Variants in SPIDR observed in about 807,000 individuals in gnomAD.
SPIDR encodes DNA repair-scaffolding protein.
A neutral mutation model predicts 104.6 loss-of-function variants in SPIDR; 93 were observed. The ratio of observed to expected loss-of-function variants is 0.89; its 90% CI spans 0.75 to 1.06. SPIDR has a LOEUF of 1.06. Among genes scored for constraint, SPIDR ranks in the 50% least tolerant of loss-of-function variants. SPIDR has a pLI of 0.00. For synonymous variants in SPIDR, 431 were observed against 416.9 expected, an observed-to-expected ratio of 1.03 and a Z score of -0.41; for missense variants, 1,154 against 1,111.2, an observed-to-expected ratio of 1.04 and a Z score of -0.55.
rs782142138 is a variant in SPIDR, at chr8:47,396,615, G to A, written c.765G>A (p.Lys255=). Residue 255 remains lysine (K), a synonymous_variant, in exon 6 of 20, where the codon AAG becomes AAA. Transcript: ENST00000297423. ...GGACTCCAGAAAATTCAGCAAAGAA[G>A]AAGCTTTTAAGGTTAAATTATACCC... ...FPRTPENSAK[K]KLLRGGLAER... 9.3e-6 allele frequency: 15 copies of A among 1,612,676 alleles called. No homozygotes were observed. In the South Asian group the frequency reaches 1.7e-4, roughly 18 times the overall value.
intron 10 of SPIDR, among the ~76,000 whole-genome samples, chr8:47,635,377 C>T (rs2067739274): frequency 6.6e-6 from 1 of 151,986 alleles, no homozygotes; most frequent in Non-Finnish European, 1.5e-5. Context: ...ATTAAATTGG[C>T]TTATTTGTAA....
chr8:47,713,012 T>TA lies in SPIDR; in HGVS notation c.2188+141dup, dbSNP rs954885680. The TA allele has an allele frequency of 7.6e-6, 11 of 1,443,712 alleles. No homozygotes were observed. In the African/African-American group the frequency reaches 1.6e-4, roughly 21 times the overall value. The allele number at this position is 1,443,712 out of a possible 1,614,324, so 89.4% of individuals were successfully genotyped here. ...GAGCCCATCACAGACATGGCCCATGTACCAGCCTCCAGCCTTCACTGACCC... is the reference window on the plus strand; with the variant it reads ...GAGCCCATCACAGACATGGCCCATGTAACCAGCCTCCAGCCTTCACTGACCC... On this transcript the variant is annotated intron_variant, in intron 15 of 19. Coordinates refer to ENST00000297423, the MANE Select transcript of SPIDR (RefSeq NM_001080394.4).
intron 8 of SPIDR, among the ~76,000 whole-genome samples, chr8:47,449,868 A>G (rs1325364497): frequency 6.6e-6 from 1 of 152,188 alleles, no homozygotes; most frequent in Non-Finnish European, 1.5e-5. Flanking sequence ...TGCATAATTT[A>G]TAAGCAATAG....
At chr8:47,414,935 G>A (rs1350852809) in intron 7 of SPIDR, among the ~76,000 whole-genome samples, 7 of 151,830 alleles carry the variant, frequency 4.6e-5, no homozygotes, top group African/African-American at 7.3e-5. Flanking sequence ...GCAGAGTCTC[G>A]CTCTGTTGCC....
chr8:47,701,742 C>G lies in SPIDR; in HGVS notation c.1795C>G (p.Pro599Ala). The G allele has an allele frequency of 6.2e-7, 1 of 1,614,126 alleles. No individual in the cohort carries two copies. The highest frequency in any genetic ancestry group is 8.5e-7 in the Non-Finnish European group (1 of 1,180,024). ...ACAGATAAAAACTCATCTGCCTCCTCCAGCCTTGTGTTACATCCTCACAGC... is the reference window on the plus strand; with the variant it reads ...ACAGATAAAAACTCATCTGCCTCCTGCAGCCTTGTGTTACATCCTCACAGC... Reference protein sequence around the residue: ...CEEIKTHLPPPALCYILTAHP... With the variant: ...CEEIKTHLPPAALCYILTAHP... Residue 599 changes from proline to alanine, a missense_variant, in exon 13 of 20, where the codon CCA (proline) becomes GCA (alanine). Pro to Ala is a conservative substitution (Grantham distance 27). Coordinates refer to ENST00000297423, the MANE Select transcript of SPIDR (RefSeq NM_001080394.4).
Position 47,409,763 on chromosome 8 carries a change from T to G in SPIDR, c.877+1802T>G, listed in dbSNP as rs147876566. ...CCTTTCCGAGGCCAGGTGTGGTGGCTCATGCCTGTAATCTCCATCCTTTGG... is the reference window on the plus strand; with the variant it reads ...CCTTTCCGAGGCCAGGTGTGGTGGCGCATGCCTGTAATCTCCATCCTTTGG... On this transcript the variant is annotated intron_variant, in intron 7 of 19. Transcript: ENST00000297423. Among the ~76,000 whole-genome samples the G allele has an allele frequency of 3.5e-4, 54 of 152,380 alleles. No individual in the cohort carries two copies. The East Asian group carries it at 6.4e-3, about 18-fold the overall frequency.
At chr8:47,278,556 C>G (rs1425606600) in intron 1 of SPIDR, among the ~76,000 whole-genome samples, 2 of 151,938 alleles carry the variant, frequency 1.3e-5, no homozygotes, top group African/African-American at 4.8e-5. Context: ...TTTCTAAGGA[C>G]AGTAATCACA....
At chr8:47,288,174 T>C (rs899709955) in intron 3 of SPIDR, among the ~76,000 whole-genome samples, 1 of 152,212 alleles carries the variant, frequency 6.6e-6, no homozygotes, top group African/African-American at 2.4e-5. Context: ...TTCTGTATTG[T>C]AGTTTGTACC....
chr8:47,452,832 A>G (rs1022268376), intron 8 of SPIDR, among the ~76,000 whole-genome samples: 4 of 152,290 alleles, frequency 2.6e-5, no homozygotes, highest in Admixed American at 2.0e-4. Context: ...CACCACTCCT[A>G]TTCAACATAG....
intron 10 of SPIDR, among the ~76,000 whole-genome samples, chr8:47,600,911 C>CT (rs1281231583): frequency 1.3e-5 from 2 of 152,214 alleles, no homozygotes; most frequent in East Asian, 3.8e-4. Flanking sequence ...AACGACAAAA[C>CT]TGACAGTGCG....
intron 6 of SPIDR, among the ~76,000 whole-genome samples, chr8:47,402,291 A>G (rs188238345): frequency 8.7e-4 from 133 of 152,318 alleles, no homozygotes; most frequent in Middle Eastern, 3.4e-3. Context: ...CACAATTAAC[A>G]GAACTAGAGA....
intron 11 of SPIDR, among the ~76,000 whole-genome samples, chr8:47,676,850 A>G (rs1271873693): frequency 6.6e-6 from 1 of 152,232 alleles, no homozygotes; most frequent in Non-Finnish European, 1.5e-5. Context: ...AGGCAGGCAC[A>G]CATGCTGCCA....
intron 8 of SPIDR, among the ~76,000 whole-genome samples, chr8:47,589,475 A>G (rs898404285): frequency 2.0e-5 from 3 of 151,618 alleles, no homozygotes; most frequent in African/African-American, 7.3e-5. Flanking sequence ...CAGTGAACCG[A>G]GATCACACCA....
intron 10 of SPIDR, among the ~76,000 whole-genome samples, chr8:47,652,120 A>T (rs1200787998): frequency 3.9e-5 from 6 of 152,250 alleles, no homozygotes; most frequent in Middle Eastern, 3.2e-3. Context: ...TGAAATTTTT[A>T]AAAAATAAAT....
intron 5 of SPIDR, among the ~76,000 whole-genome samples, chr8:47,382,737 A>G (rs563908905): frequency 6.6e-6 from 1 of 152,326 alleles, no homozygotes; most frequent in Non-Finnish European, 1.5e-5. Flanking sequence ...TTTTTAAAGA[A>G]AAAGTGATAC....
chr8:47,733,683 C>A (rs998231451), intron 19 of SPIDR, among the ~76,000 whole-genome samples: 4 of 152,026 alleles, frequency 2.6e-5, no homozygotes, highest in Non-Finnish European at 5.9e-5. Flanking sequence ...AGCCTGGAGA[C>A]TGTCCTGCTC....
chr8:47,612,346 GA>G (rs1317662996), intron 10 of SPIDR, among the ~76,000 whole-genome samples: 1 of 152,160 alleles, frequency 6.6e-6, no homozygotes, highest in Non-Finnish European at 1.5e-5. Context: ...AAGAGCTATG[GA>G]AAAGTGGGAA....
intron 8 of SPIDR, among the ~76,000 whole-genome samples, chr8:47,514,305 C>A (rs2082793842): frequency 6.6e-6 from 1 of 152,082 alleles, no homozygotes; most frequent in South Asian, 2.1e-4. Context: ...AAACTCATCA[C>A]CTAAACTCAT....
intron 8 of SPIDR, among the ~76,000 whole-genome samples, chr8:47,560,710 G>T (rs965884324): frequency 2.6e-5 from 4 of 152,014 alleles, no homozygotes; most frequent in Non-Finnish European, 5.9e-5. Flanking sequence ...TTCATAATCA[G>T]AAAATACTTC....
Sources: gnomAD v4.1 joint callset for allele counts (sites outside exome capture counted in the v4.1 genomes callset) on GRCh38, gnomAD v4.1.1 for gene constraint, MANE v1.5 for transcripts, NCBI Gene and HGNC (gene_info 2026-07-23, HGNC 2026-07-21) for gene names.